Variants in PPIE observed in about 807,000 individuals in gnomAD.
PPIE encodes peptidyl-prolyl cis-trans isomerase E.
PPIE carries 20 observed loss-of-function variants against 38.4 expected under a neutral mutation model. The ratio of observed to expected loss-of-function variants is 0.52; its 90% CI spans 0.37 to 0.76. The LOEUF is 0.76. Among genes scored for constraint, PPIE ranks in the 30% least tolerant of loss-of-function variants. The pLI is 0.00. For missense variants in PPIE, 322 were observed against 385.8 expected, an observed-to-expected ratio of 0.83 and a Z score of 1.39; for synonymous variants, 142 against 135.7, an observed-to-expected ratio of 1.05 and a Z score of -0.32.
chr1:39,742,257 AC>A (rs1180277049), intron 4 of PPIE: 1 of 212,768 alleles, frequency 4.7e-6, no homozygotes, highest in Admixed American at 5.6e-5. Flanking sequence ...GAAGTGTTAG[AC>A]CAATTTACAA....
At chr1:39,743,528 C>G (rs985839588) in intron 5 of PPIE, among the ~76,000 whole-genome samples, 2 of 152,196 alleles carry the variant, frequency 1.3e-5, no homozygotes, top group African/African-American at 4.8e-5. Context: ...AAATTCCTGC[C>G]TGAGCTCATC....
intron 8 of PPIE, among the ~76,000 whole-genome samples, chr1:39,751,482 A>G (rs1328319408): frequency 1.3e-5 from 2 of 152,004 alleles, no homozygotes; most frequent in African/African-American, 4.8e-5. Context: ...CAGCCTCCCA[A>G]ATAGCTGGGA....
At chr1:39,739,110 G>A in intron 1 of PPIE, 179 bp downstream of exon 1, 1 of 585,782 alleles carries the variant, frequency 1.7e-6, no homozygotes, top group South Asian at 5.6e-5. Flanking sequence ...GTTTCCCACT[G>A]TCCTCAGGAA....
In PPIE at chr1:39,756,081, AG is replaced by A. The variant is rs1240565984; in HGVS notation, c.*2730del. On this transcript the variant is annotated 3_prime_UTR_variant, in exon 10 of 10. Coordinates refer to ENST00000324379, the MANE Select transcript of PPIE (RefSeq NM_006112.4). ...ACCCTGCTCTTCCAGGCCAGAAGGG[AG>A]GGGAGCCCCAGAGCTGGGCAGTGGC... The A allele has an allele frequency of 4.1e-6, 4 of 985,198 alleles. No homozygotes were observed. The African/African-American group carries it at 7.0e-5, about 17-fold the overall frequency. 61.0% of individuals were successfully genotyped at this position (985,198 alleles called of 1,614,324 possible).
chr1:39,760,596 G>A, downstream of PPIE: 1 of 1,608,650 alleles, frequency 6.2e-7, no homozygotes, highest in Non-Finnish European at 8.5e-7. Flanking sequence ...ACAGGCAGGG[G>A]CATGAGCCCA....
intron 9 of PPIE, among the ~76,000 whole-genome samples, chr1:39,761,791 C>G (rs1475187875): frequency 6.6e-6 from 1 of 152,232 alleles, no homozygotes; most frequent in East Asian, 1.9e-4. Flanking sequence ...ACTGATGGAG[C>G]AGCCACTCTG....
chr1:39,763,274 C>G (rs1649278016), intron 9 of PPIE: 1 of 1,428,808 alleles, frequency 7.0e-7, no homozygotes, highest in Non-Finnish European at 9.6e-7. Flanking sequence ...AACCCATCCT[C>G]CAGCCCTGCA....
At chr1:39,746,501 T>C (rs1647209611) in intron 7 of PPIE, 1 of 152,244 alleles carries the variant, frequency 6.6e-6, no homozygotes, top group Non-Finnish European at 1.5e-5. Flanking sequence ...TCACTATGCG[T>C]AGGATGTCCT....
At chr1:39,759,091 C>T (rs1170919067), downstream of PPIE, 1 of 152,264 alleles carries the variant, frequency 6.6e-6, no homozygotes, top group Non-Finnish European at 1.5e-5. Context: ...AGGTAAATTA[C>T]AGGCTTAGCA....
At chr1:39,746,092 A>G (rs1241310425) in intron 7 of PPIE, 1 of 152,120 alleles carries the variant, frequency 6.6e-6, no homozygotes, top group African/African-American at 2.4e-5. Context: ...ACAGTTTTAT[A>G]TTTCTACTTC....
At chr1:39,746,852 G>A (rs185703728) in intron 7 of PPIE, 54 of 151,956 alleles carry the variant, frequency 3.6e-4, no homozygotes, top group African/African-American at 1.3e-3. Context: ...TTATTTTTTG[G>A]CTATTTTAGC....
intron 8 of PPIE, among the ~76,000 whole-genome samples, 197 bp downstream of exon 8, chr1:39,749,285 C>G (rs1647451448): frequency 1.3e-5 from 2 of 152,128 alleles, no homozygotes; most frequent in Non-Finnish European, 2.9e-5. Context: ...GTTCATCCCC[C>G]AACCGTGTCC....
chr1:39,743,684 T>G, intron 5 of PPIE, 140 bp from the exon 6 acceptor site: 1 of 664,260 alleles, frequency 1.5e-6, no homozygotes, highest in Non-Finnish European at 2.6e-6. Flanking sequence ...ATGGGAACTT[T>G]CCTTACCCCT....
chr1:39,749,457 A>C (rs1454734703), intron 8 of PPIE, among the ~76,000 whole-genome samples: 1 of 151,942 alleles, frequency 6.6e-6, no homozygotes, highest in African/African-American at 2.4e-5. Flanking sequence ...TGTACTGAAC[A>C]ATCCCACTTG....
At chr1:39,745,561 G>C in intron 7 of PPIE, 63 bp downstream of exon 7, 1 of 1,608,220 alleles carries the variant, frequency 6.2e-7, no homozygotes, top group Non-Finnish European at 8.5e-7. Flanking sequence ...GCCTTTCCCA[G>C]GTTCTTACTG....
chr1:39,739,128 A>G, intron 1 of PPIE, 197 bp downstream of exon 1: 1 of 502,962 alleles, frequency 2.0e-6, no homozygotes, highest in Non-Finnish European at 3.2e-6. Context: ...GAAAAAGTGC[A>G]GACTTCTTAG....
intron 3 of PPIE, 111 bp from the exon 4 acceptor site, chr1:39,741,783 AG>A: frequency 8.2e-7 from 1 of 1,212,750 alleles, no homozygotes; most frequent in Non-Finnish European, 1.2e-6. Flanking sequence ...AACCTAGGCA[AG>A]AAATACAGAG....
intron 4 of PPIE, chr1:39,742,590 T>C (rs1163080305): frequency 2.0e-5 from 3 of 149,218 alleles, no homozygotes; most frequent in Non-Finnish European, 1.5e-5. Context: ...CCAACAGGGC[T>C]ACCTGGGCTA....
At chr1:39,750,270 G>A (rs918488123) in intron 8 of PPIE, among the ~76,000 whole-genome samples, 3 of 152,082 alleles carry the variant, frequency 2.0e-5, no homozygotes, top group Non-Finnish European at 2.9e-5. Flanking sequence ...CTGCCTTCGC[G>A]TTTTCTCTAA....
Sources: allele counts gnomAD v4.1 joint callset (sites outside exome capture counted in the v4.1 genomes callset), GRCh38; gene constraint gnomAD v4.1.1; transcripts MANE v1.5; gene names NCBI Gene and HGNC (gene_info 2026-07-23, HGNC 2026-07-21).